PCMTD2: variants seen among roughly 807,000 people sequenced by gnomAD.
PCMTD2 encodes protein-L-isoaspartate O-methyltransferase domain-containing protein 2.
In PCMTD2, 16 loss-of-function variants were observed where a neutral mutation model predicts 33.4. The observed-to-expected ratio is 0.48, with a 90% CI of 0.32 to 0.73. The LOEUF is 0.73. Among genes scored for constraint, PCMTD2 ranks in the 30% least tolerant of loss-of-function variants. The pLI, the probability that PCMTD2 is intolerant of heterozygous loss-of-function variation, is 0.03. For missense variants in PCMTD2, 374 were observed against 449.9 expected (o/e 0.83, Z 1.53); for synonymous variants, 161 against 160.8 (o/e 1.00, Z -0.01).
chr20:64,267,211 C>G (rs752669631), intron 4 of PCMTD2, among the ~76,000 whole-genome samples: 1 of 152,096 alleles, frequency 6.6e-6, no homozygotes, highest in Non-Finnish European at 1.5e-5. Context: ...CTCTGGTGCT[C>G]GTAATACTTT....
chr20:64,256,630 C>T (rs1426621918), intron 1 of PCMTD2: 1 of 152,206 alleles, frequency 6.6e-6, no homozygotes, highest in East Asian at 1.9e-4. Context: ...CTATAAGCAA[C>T]TCAGAAATTG....
chr20:64,263,507 A>C (rs1985520703), intron 2 of PCMTD2, among the ~76,000 whole-genome samples: 1 of 152,202 alleles, frequency 6.6e-6, no homozygotes, highest in African/African-American at 2.4e-5. Context: ...GTAGTAGTAT[A>C]TCTGTCTACC....
intron 5 of PCMTD2, chr20:64,271,580 TG>T (rs1985912530): frequency 6.6e-6 from 1 of 152,660 alleles, no homozygotes; most frequent in Non-Finnish European, 1.5e-5. Context: ...GAGTAGAACC[TG>T]GGGAGCTATT....
Position 64,273,820 on chromosome 20 carries a change from A to G in PCMTD2, c.*220A>G. The G allele has an allele frequency of 9.7e-6, 4 of 414,104 alleles. No homozygotes were observed. Among genetic ancestry groups the G allele is most frequent in the Non-Finnish European group, 1.7e-5 (4 of 234,952 alleles). 25.7% of individuals were successfully genotyped at this position (414,104 alleles called of 1,614,324 possible). ...TAGTTCCACAAGACCTTCATTGCAT[A>G]GAAGATTGTTTTCCCAAAGTGGAGA... is the stretch of plus-strand genomic sequence containing the variant. On this transcript the variant is annotated 3_prime_UTR_variant, in exon 6 of 6. Transcript: ENST00000308824.
At chr20:64,256,425 G>A (rs938398543) in intron 1 of PCMTD2, among the ~76,000 whole-genome samples, 2 of 152,150 alleles carry the variant, frequency 1.3e-5, no homozygotes, top group South Asian at 2.1e-4. Context: ...TGAGAGGGAC[G>A]TGTCTCCTAA....
intron 1 of PCMTD2, chr20:64,258,753 T>G (rs1316344095): frequency 2.0e-5 from 3 of 152,202 alleles, no homozygotes; most frequent in Non-Finnish European, 4.4e-5. Context: ...TTAAAAAGGT[T>G]GTGTTCATTT....
intron 5 of PCMTD2, among the ~76,000 whole-genome samples, chr20:64,269,913 T>C (rs924352135): frequency 9.2e-5 from 10 of 109,288 alleles, no homozygotes; most frequent in African/African-American, 3.3e-4. Flanking sequence ...GCATGGTGTG[T>C]GGTGTGAGTG....
intron 5 of PCMTD2, among the ~76,000 whole-genome samples, chr20:64,270,226 A>T: frequency 1.3e-5 from 1 of 78,974 alleles, no homozygotes; most frequent in Non-Finnish European, 2.6e-5. Context: ...GTGCGGGGTC[A>T]TGTGAGTGCA....
chr20:64,260,202 G>T lies in PCMTD2; in HGVS notation c.237G>T (p.Gln79His), dbSNP rs1453245615. 1 of 1,613,788 alleles carries T rather than the reference G, an allele frequency of 6.2e-7. No homozygotes were observed. The highest frequency in any genetic ancestry group is 8.5e-7 in the Non-Finnish European group (1 of 1,179,762). Residue 79 changes from glutamine (Q) to histidine (H), a missense_variant, in exon 2 of 6, where the codon CAG (glutamine) becomes CAT (histidine). By Grantham distance (24) the Gln-to-His change is conservative. Transcript: ENST00000308824. ...YSEVMEALDL[Q>H]PGLSFLNLGS... is the part of the protein sequence containing the mutation. ...AGGTGATGGAAGCCCTAGATCTGCA[G>T]CCTGGACTCTCGTTTCTGAACCTGG... is the stretch of plus-strand genomic sequence containing the variant.
intron 5 of PCMTD2, 95 bp downstream of exon 5, chr20:64,268,105 A>T (rs1193503181): frequency 2.0e-6 from 2 of 980,752 alleles, no homozygotes; most frequent in Non-Finnish European, 3.0e-6. Context: ...ACCTTTTGAT[A>T]TTAAAAAGCA....
rs927692392 is a variant in PCMTD2 at position 64,273,259 on chromosome 20, A to G, written c.745A>G (p.Ile249Val). 36 of 1,614,002 alleles carry G rather than the reference A, an allele frequency of 2.2e-5. No homozygotes were observed. The highest frequency in any genetic ancestry group is 3.1e-5 in the Non-Finnish European group (36 of 1,179,990). ...TCGCAGCCTCCAGGACTTGGCTCGCATCGCCATCCGGGGCACCATTAAAAA... is the reference window on the plus strand; with the variant it reads ...TCGCAGCCTCCAGGACTTGGCTCGCGTCGCCATCCGGGGCACCATTAAAAA... ...AVRSLQDLAR[I>V]AIRGTIKKII... Residue 249 changes from isoleucine (I) to valine (V), a missense_variant, in exon 6 of 6, where the codon ATC becomes GTC. Physicochemically the swap from Ile to Val is conservative, Grantham distance 29 (BLOSUM62 3). Coordinates refer to ENST00000308824, the MANE Select transcript of PCMTD2 (RefSeq NM_018257.3).
chr20:64,266,564 A>G (rs1292704477), intron 4 of PCMTD2, among the ~76,000 whole-genome samples: 1 of 151,976 alleles, frequency 6.6e-6, no homozygotes, highest in East Asian at 1.9e-4. Flanking sequence ...GCCTAATTTT[A>G]TTTTTTTAGT....
At position 64,273,709 on chromosome 20, in the gene PCMTD2, G is replaced by A. The variant is rs1986005388; in HGVS notation, c.*109G>A. The A allele has an allele frequency of 4.5e-6, 4 of 881,538 alleles. No individual in the cohort carries two copies. Among genetic ancestry groups the A allele is most frequent in the Non-Finnish European group, 5.1e-6 (3 of 584,656 alleles). The allele number at this position is 881,538 out of a possible 1,614,324, so 54.6% of individuals were successfully genotyped here. A position where few individuals can be genotyped will look rare whatever the true frequency, so the allele number is the denominator to read the frequency against. ...CTGGAGGCAGACGTTGTGGGGAAGG[G>A]AACTGCTGGGCTCATCCACACCATG... On this transcript the variant is annotated 3_prime_UTR_variant, in exon 6 of 6. Transcript: ENST00000308824.
chr20:64,259,994 A>G lies in PCMTD2; in HGVS notation c.29A>G (p.Asp10Gly). The G allele has an allele frequency of 6.2e-7, 1 of 1,612,968 alleles. No individual in the cohort carries two copies. The highest frequency in any genetic ancestry group is 8.5e-7 in the Non-Finnish European group (1 of 1,178,968). The change falls in exon 2 of 6, where the codon GAC (aspartate) becomes GGC (glycine). Residue 10 changes from aspartate to glycine, a missense_variant. Coordinates refer to ENST00000308824, the MANE Select transcript of PCMTD2 (RefSeq NM_018257.3). MGGAVSAGEDNDELIDNLKE... is the reference protein window; with the variant it reads MGGAVSAGEGNDELIDNLKE... ...GGCGGTGCTGTGAGTGCTGGTGAAG[A>G]CAATGATGAGCTGATAGATAATTTG...
intron 3 of PCMTD2, among the ~76,000 whole-genome samples, 184 bp from the exon 4 acceptor site, chr20:64,265,074 G>C (rs1381098825): frequency 6.6e-6 from 1 of 152,156 alleles, no homozygotes; most frequent in Non-Finnish European, 1.5e-5. Context: ...TAGAGTTCTA[G>C]TTATATAGTA....
rs183962511 is a variant in PCMTD2, at chr20:64,267,430, G to A, written c.583-457G>A. On this transcript the variant is annotated intron_variant, in intron 4 of 5. Coordinates refer to ENST00000308824, the MANE Select transcript of PCMTD2 (RefSeq NM_018257.3). Reference sequence around the variant, plus strand: ...TTCTGTAACAGTATCTGTTACTACAGTGCCTATCAGGACTTAGCCACCCTC... The same window carrying A: ...TTCTGTAACAGTATCTGTTACTACAATGCCTATCAGGACTTAGCCACCCTC... Among the ~76,000 whole-genome samples the A allele has an allele frequency of 2.4e-4, 36 of 152,274 alleles. No individual in the cohort carries two copies. The East Asian group carries it at 6.2e-3, about 26-fold the overall frequency.
At position 64,267,969 on chromosome 20, in the gene PCMTD2, C is replaced by G; in HGVS notation, c.665C>G (p.Pro222Arg). Residue 222 changes from proline to arginine, a missense_variant, in exon 5 of 6, where the codon CCC (proline) becomes CGC (arginine). Pro to Arg is a moderately radical substitution (Grantham distance 103, BLOSUM62 -2). Transcript: ENST00000308824. ...GTTTCTTTTGCTCCTCTGATCCAGCCCTGCCATTCAGAGTCAGGAAAATCA... is the reference window on the plus strand; with the variant it reads ...GTTTCTTTTGCTCCTCTGATCCAGCGCTGCCATTCAGAGTCAGGAAAATCA... Reference protein sequence around the residue: ...LAVSFAPLIQPCHSESGKSRL... With the variant: ...LAVSFAPLIQRCHSESGKSRL... 1 of 1,612,748 alleles carries G rather than the reference C, an allele frequency of 6.2e-7. No homozygotes were observed. Among genetic ancestry groups the G allele is most frequent in the East Asian group, 2.2e-5 (1 of 44,874 alleles).
chr20:64,266,545 C>T (rs1276041641), intron 4 of PCMTD2, among the ~76,000 whole-genome samples: 3 of 152,194 alleles, frequency 2.0e-5, no homozygotes, highest in Non-Finnish European at 4.4e-5. Context: ...GTGTGAGCCA[C>T]CGTGCCCGGC....
Position 64,260,160 on chromosome 20 carries a change from C to A in PCMTD2, c.195C>A (p.Ala65=). Residue 65 remains alanine (A), a synonymous_variant, in exon 2 of 6, where the codon GCC becomes GCA. Transcript: ENST00000308824. ...AWKHGNIHLS[A]PCIYSEVMEA... is the part of the protein sequence containing the mutation. ...AGCATGGAAACATTCACCTCTCAGC[C>A]CCGTGCATCTACTCGGAGGTGATGG... The A allele has an allele frequency of 1.2e-6, 2 of 1,612,924 alleles. No individual in the cohort carries two copies. Among genetic ancestry groups the A allele is most frequent in the Non-Finnish European group, 1.7e-6 (2 of 1,178,914 alleles).
Sources: gnomAD v4.1 joint callset for allele counts (sites outside exome capture counted in the v4.1 genomes callset) on GRCh38, gnomAD v4.1.1 for gene constraint, MANE v1.5 for transcripts, NCBI Gene and HGNC (gene_info 2026-07-23, HGNC 2026-07-21) for gene names.